Variants in IRF2 observed in about 807,000 individuals in gnomAD.
IRF2 encodes interferon regulatory factor 2.
Under a neutral mutation model 40.6 loss-of-function variants are expected in IRF2, and 15 were observed. The observed-to-expected ratio is 0.37, with a 90% CI of 0.25 to 0.57. The LOEUF is 0.57. Among genes scored for constraint, IRF2 ranks in the 20% least tolerant of loss-of-function variants. IRF2 has a pLI of 0.77. For synonymous variants in IRF2, 151 were observed against 165.5 expected (o/e 0.91, Z 0.67); for missense variants, 317 against 455.7 (o/e 0.70, Z 2.77).
chr4:184,400,864 A>G (rs147164622), intron 6 of IRF2, among the ~76,000 whole-genome samples: 2 of 152,354 alleles, frequency 1.3e-5, no homozygotes, highest in East Asian at 3.9e-4. Context: ...GTTGGATGAA[A>G]TGTCCCTGAA....
At chr4:184,458,125 G>A (rs1005417527) in intron 1 of IRF2, among the ~76,000 whole-genome samples, 1 of 152,146 alleles carries the variant, frequency 6.6e-6, no homozygotes, top group African/African-American at 2.4e-5. Flanking sequence ...CCCTCCTTCC[G>A]GCCAGTCAGA....
chr4:184,440,665 G>A (rs1334005369), intron 1 of IRF2, among the ~76,000 whole-genome samples: 5 of 152,228 alleles, frequency 3.3e-5, no homozygotes, highest in Non-Finnish European at 7.3e-5. Flanking sequence ...CCCAGGTCCT[G>A]TTCCCATTTT....
intron 1 of IRF2, among the ~76,000 whole-genome samples, chr4:184,467,784 A>C (rs1322884422): frequency 6.6e-6 from 1 of 152,248 alleles, no homozygotes; most frequent in African/African-American, 2.4e-5. Flanking sequence ...GCGAGTATCA[A>C]ATGCCTTCAG....
At chr4:184,429,862 T>TA (rs2149904369) in intron 1 of IRF2, among the ~76,000 whole-genome samples, 1 of 152,302 alleles carries the variant, frequency 6.6e-6, no homozygotes, top group South Asian at 2.1e-4. Flanking sequence ...CTTTCTAAGA[T>TA]AGACTTCTCC....
chr4:184,431,549 C>G (rs1737878135), intron 1 of IRF2, among the ~76,000 whole-genome samples: 1 of 152,178 alleles, frequency 6.6e-6, no homozygotes. Context: ...GCCTGATCTT[C>G]CCTCTGGAAA....
chr4:184,424,175 T>C (rs748750213), intron 2 of IRF2, among the ~76,000 whole-genome samples: 1 of 152,166 alleles, frequency 6.6e-6, no homozygotes, highest in East Asian at 1.9e-4. Context: ...TCAAACATGC[T>C]ATGCACATTT....
At chr4:184,451,978 G>T (rs1579103618) in intron 1 of IRF2, among the ~76,000 whole-genome samples, 2 of 152,164 alleles carry the variant, frequency 1.3e-5, no homozygotes, top group East Asian at 3.9e-4. Flanking sequence ...TGACCCTAGG[G>T]TTGCACCAAT....
chr4:184,423,493 G>T (rs765812068), intron 2 of IRF2, among the ~76,000 whole-genome samples: 1 of 152,096 alleles, frequency 6.6e-6, no homozygotes. Context: ...TTTTTGTCTG[G>T]ACTCCTTACC....
At chr4:184,392,482 G>A (rs146234555) in intron 7 of IRF2, among the ~76,000 whole-genome samples, 99 of 152,342 alleles carry the variant, frequency 6.5e-4, no homozygotes, top group African/African-American at 2.3e-3. Flanking sequence ...GGGGTCCCAC[G>A]TCAGCAAGCA....
intron 1 of IRF2, among the ~76,000 whole-genome samples, chr4:184,449,822 C>A (rs1042895787): frequency 6.6e-6 from 1 of 152,160 alleles, no homozygotes; most frequent in African/African-American, 2.4e-5. Flanking sequence ...ACTGCGCTGG[C>A]CGTTACCAAG....
chr4:184,434,271 A>G (rs764609490), intron 1 of IRF2, among the ~76,000 whole-genome samples: 1 of 151,872 alleles, frequency 6.6e-6, no homozygotes, highest in Non-Finnish European at 1.5e-5. Flanking sequence ...CGCGACCTTG[A>G]CTCTGCCATT....
At chr4:184,441,887 G>A (rs1238581223) in intron 1 of IRF2, among the ~76,000 whole-genome samples, 1 of 152,160 alleles carries the variant, frequency 6.6e-6, no homozygotes, top group Non-Finnish European at 1.5e-5. Flanking sequence ...GCTACTGAGT[G>A]GTAGAACTCA....
At chr4:184,439,804 C>T (rs73874648) in intron 1 of IRF2, among the ~76,000 whole-genome samples, 2,050 of 152,244 alleles carry the variant, frequency 0.013, 56 homozygotes, top group African/African-American at 0.048. Context: ...GTGCTGCATC[C>T]GAACCATAAT....
intron 5 of IRF2, among the ~76,000 whole-genome samples, chr4:184,414,830 G>C (rs1015257025): frequency 1.3e-5 from 2 of 152,164 alleles, no homozygotes; most frequent in Admixed American, 1.3e-4. Flanking sequence ...TGCTTCAACA[G>C]CAAATATTCA....
chr4:184,398,676 A>G (rs375395618), intron 7 of IRF2, among the ~76,000 whole-genome samples: 2 of 152,000 alleles, frequency 1.3e-5, no homozygotes, highest in South Asian at 4.1e-4. Context: ...AAAATAAATA[A>G]ATAAATAAAA....
chr4:184,405,226 A>G (rs745822857), intron 6 of IRF2, among the ~76,000 whole-genome samples: 1 of 152,208 alleles, frequency 6.6e-6, no homozygotes, highest in Non-Finnish European at 1.5e-5. Flanking sequence ...CCTGGGCAAC[A>G]GAGTGAAACT....
At chr4:184,473,672 C>T (rs1264104998) in intron 1 of IRF2, among the ~76,000 whole-genome samples, 1 of 148,946 alleles carries the variant, frequency 6.7e-6, no homozygotes, top group African/African-American at 2.4e-5. Context: ...GCCGCTGGCA[C>T]CCGACGCCCG....
At chr4:184,469,666 C>T (rs1579122331) in intron 1 of IRF2, among the ~76,000 whole-genome samples, 1 of 152,260 alleles carries the variant, frequency 6.6e-6, no homozygotes, top group East Asian at 1.9e-4. Flanking sequence ...CAGAGTGAGA[C>T]TTTGACTCTA....
At chr4:184,412,255 G>A (rs1228359275) in intron 5 of IRF2, among the ~76,000 whole-genome samples, 1 of 152,168 alleles carries the variant, frequency 6.6e-6, no homozygotes, top group Non-Finnish European at 1.5e-5. Context: ...AGAGAGTTCA[G>A]GGGCAGGAGC....
Sources: allele counts gnomAD v4.1 joint callset (sites outside exome capture counted in the v4.1 genomes callset), GRCh38; gene constraint gnomAD v4.1.1; transcripts MANE v1.5; gene names NCBI Gene and HGNC (gene_info 2026-07-23, HGNC 2026-07-21).